Variants in BRIP1 observed in about 807,000 individuals in gnomAD.
BRIP1 encodes BRCA1 interacting DNA helicase 1.
BRIP1 carries 88 observed loss-of-function variants against 119.7 expected under a neutral mutation model. The ratio of observed to expected loss-of-function variants is 0.74; its 90% CI spans 0.62 to 0.88. BRIP1 has a LOEUF of 0.88. Ranked by LOEUF, BRIP1 falls within the 40% of genes least tolerant of loss-of-function variation. The pLI is 0.00. For missense variants in BRIP1, 1,259 were observed against 1,455.4 expected, an observed-to-expected ratio of 0.87 and a Z score of 2.20; for synonymous variants, 443 against 496.5, an observed-to-expected ratio of 0.89 and a Z score of 1.43.
rs576418589 is a variant in BRIP1 at position 61,745,137 on chromosome 17, A to T, written c.2098-546T>A. On this transcript the variant is annotated intron_variant, in intron 14 of 19. Coordinates refer to ENST00000259008, the MANE Select transcript of BRIP1 (RefSeq NM_032043.3). The surrounding 1 kb of genome is among the most constrained non-coding windows in gnomAD (Gnocchi z 4.4). ...TTATTTGAATATTTGATCATCATTA[A>T]TAACCTGCATTGAAAAAAGATAGAA... 1.2e-4 allele frequency among the ~76,000 whole-genome samples: 19 copies of T among 152,328 alleles called. No individual in the cohort carries two copies. Among genetic ancestry groups the T allele is most frequent in the African/African-American group, 4.3e-4 (18 of 41,584 alleles).
intron 3 of BRIP1, among the ~76,000 whole-genome samples, chr17:61,858,992 TTGAGGTTACAG>T (rs2078936508): frequency 6.6e-6 from 1 of 150,954 alleles, no homozygotes; most frequent in Admixed American, 6.6e-5. Flanking sequence ...GCCTGGGAGT[TTGAGGTTACAG>T]TGAGCTATGA....
rs2076896555 is a variant in BRIP1 at position 61,734,814 on chromosome 17, T to C, written c.2379+8199A>G. On this transcript the variant is annotated intron_variant, in intron 16 of 19. Transcript: ENST00000259008. The surrounding 1 kb of genome is among the most constrained non-coding windows in gnomAD (Gnocchi z 5.2). ...TTACTTCCATAATCTTTCTCAAATT[T>C]AAGAAAAAATTTTAGTATCATAAAA... Among the ~76,000 whole-genome samples, 1 of 152,186 alleles carries C rather than the reference T, an allele frequency of 6.6e-6. No homozygotes were observed. Among genetic ancestry groups the C allele is most frequent in the South Asian group, 2.1e-4 (1 of 4,832 alleles).
At chr17:61,837,772 T>C (rs1312908683) in intron 6 of BRIP1, among the ~76,000 whole-genome samples, 2 of 152,076 alleles carry the variant, frequency 1.3e-5, no homozygotes, top group African/African-American at 2.4e-5. Flanking sequence ...CTTTGACATA[T>C]GAATTGTCAG....
At position 61,744,593 on chromosome 17, in the gene BRIP1, TA is replaced by T. The variant is rs1603304671; in HGVS notation, c.2098-3del. 6.2e-7 allele frequency: 1 copy of T among 1,612,080 alleles called. No individual in the cohort carries two copies. The highest frequency in any genetic ancestry group is 8.5e-7 in the Non-Finnish European group (1 of 1,178,316). On this transcript the variant is annotated splice_polypyrimidine_tract_variant and splice_region_variant and intron_variant, in intron 14 of 19. Coordinates refer to ENST00000259008, the MANE Select transcript of BRIP1 (RefSeq NM_032043.3). The surrounding 1 kb of genome is among the most constrained non-coding windows in gnomAD (Gnocchi z 5.0). Reference sequence around the variant, plus strand: ...ACGTTCTTTTAATTTTTCTAATAACTAAAGAGGGGAAAGAAAAAAATGATTT... The same window carrying T: ...ACGTTCTTTTAATTTTTCTAATAACTAAGAGGGGAAAGAAAAAAATGATTT...
Position 61,693,768 on chromosome 17 carries a change from A to C in BRIP1, c.2493-256T>G, listed in dbSNP as rs977185630. Among the ~76,000 whole-genome samples the C allele has an allele frequency of 8.5e-5, 13 of 152,160 alleles. No individual in the cohort carries two copies. Among genetic ancestry groups the C allele is most frequent in the African/African-American group, 3.1e-4 (13 of 41,448 alleles). On this transcript the variant is annotated intron_variant, in intron 17 of 19. Coordinates refer to ENST00000259008, the MANE Select transcript of BRIP1 (RefSeq NM_032043.3). This position sits in a 1 kb window ranked among gnomAD's most constrained non-coding sequence, Gnocchi z 4.2. ...TATTTTGCACTCAAGAAAATTATAG[A>C]AAATATATTCTAAGATCTTTCTTAG...
chr17:61,776,701 C>A lies in BRIP1; in HGVS notation c.1936-139G>T, dbSNP rs552815938. On this transcript the variant is annotated intron_variant, in intron 13 of 19. Transcript: ENST00000259008. This position sits in a 1 kb window ranked among gnomAD's most constrained non-coding sequence, Gnocchi z 5.0. ...TAAATTGTCAGGGGGTTTTCTATTA[C>A]CTTCAATTAACTGTATACAGATTTA... 3.5e-6 allele frequency: 3 copies of A among 852,070 alleles called. No homozygotes were observed. The highest frequency in any genetic ancestry group is 4.1e-5 in the Admixed American group (2 of 48,794). 52.8% of individuals were successfully genotyped at this position (852,070 alleles called of 1,614,324 possible).
chr17:61,844,753 G>A lies in BRIP1; in HGVS notation c.627+2348C>T, dbSNP rs1330080603. 6.6e-6 allele frequency among the ~76,000 whole-genome samples: 1 copy of A among 152,256 alleles called. No individual in the cohort carries two copies. The highest frequency in any genetic ancestry group is 1.5e-5 in the Non-Finnish European group (1 of 68,040). ...CAGGACTGCAAAGAGGCATTTTAGA[G>A]AGAATATAAAATAAAGTGATTAGGG... On this transcript the variant is annotated intron_variant, in intron 6 of 19. Coordinates refer to ENST00000259008, the MANE Select transcript of BRIP1 (RefSeq NM_032043.3). The surrounding 1 kb of genome is among the most constrained non-coding windows in gnomAD (Gnocchi z 4.7).
intron 19 of BRIP1, chr17:61,685,120 A>G (rs1281609088): frequency 6.6e-6 from 1 of 152,270 alleles, no homozygotes; most frequent in East Asian, 1.9e-4. Flanking sequence ...AGCATAATGT[A>G]TCTGTTGCGA....
In BRIP1 at chr17:61,710,880, A is replaced by C. The variant is rs1567751565; in HGVS notation, c.2492+5071T>G. On this transcript the variant is annotated intron_variant, in intron 17 of 19. Transcript: ENST00000259008. This position sits in a 1 kb window ranked among gnomAD's most constrained non-coding sequence, Gnocchi z 5.4. ...TCATGGTGAAACCCCGTCTCTACTA[A>C]AAATATAAAAATTAGCTGGGCATGG... is the stretch of plus-strand genomic sequence containing the variant. Among the ~76,000 whole-genome samples, 1 of 152,096 alleles carries C rather than the reference A, an allele frequency of 6.6e-6. No individual in the cohort carries two copies. The highest frequency in any genetic ancestry group is 2.4e-5 in the African/African-American group (1 of 41,402).
intron 6 of BRIP1, among the ~76,000 whole-genome samples, chr17:61,817,747 G>A (rs976286553): frequency 2.6e-5 from 4 of 152,152 alleles, no homozygotes; most frequent in Non-Finnish European, 4.4e-5. Context: ...TATTATCAGA[G>A]ATTCTAGAAA....
In BRIP1 at chr17:61,689,056, A is replaced by ATGTTATGTTATGTTATGTTAT. The variant is rs1555573961; in HGVS notation, c.2576-2892_2576-2891insATAACATAACATAACATAACA. Among the ~76,000 whole-genome samples the ATGTTATGTTATGTTATGTTAT allele has an allele frequency of 6.6e-6, 1 of 151,496 alleles. No individual in the cohort carries two copies. Among genetic ancestry groups the ATGTTATGTTATGTTATGTTAT allele is most frequent in the Non-Finnish European group, 1.5e-5 (1 of 67,860 alleles). ...ATGTTATGTTATGTTATGTTATGTT[A>ATGTTATGTTATGTTATGTTAT]TTTTTTTGAGACAGTCTCGCTCTGT... is the stretch of plus-strand genomic sequence containing the variant. On this transcript the variant is annotated intron_variant, in intron 18 of 19. Transcript: ENST00000259008. The surrounding 1 kb of genome is among the most constrained non-coding windows in gnomAD (Gnocchi z 4.5).
chr17:61,685,052 C>T (rs1183781738), intron 19 of BRIP1: 1 of 152,182 alleles, frequency 6.6e-6, no homozygotes, highest in Non-Finnish European at 1.5e-5. Context: ...ATGGAATAGA[C>T]CAGAGTTTGG....
chr17:61,718,674 A>G (rs1299337449), intron 16 of BRIP1, among the ~76,000 whole-genome samples: 1 of 152,114 alleles, frequency 6.6e-6, no homozygotes, highest in Non-Finnish European at 1.5e-5. Flanking sequence ...GCTCTGTTTG[A>G]GTTTATTCTC....
chr17:61,732,384 G>C (rs1346755403), intron 16 of BRIP1, among the ~76,000 whole-genome samples: 5 of 152,110 alleles, frequency 3.3e-5, no homozygotes, highest in Non-Finnish European at 7.3e-5. Context: ...TCACTGTAGA[G>C]AAGATTCAAA....
chr17:61,798,674 A>T lies in BRIP1; in HGVS notation c.1340+426T>A, dbSNP rs145491062. Among the ~76,000 whole-genome samples the T allele has an allele frequency of 6.6e-4, 101 of 152,170 alleles. No individual in the cohort carries two copies. Among genetic ancestry groups the T allele is most frequent in the Middle Eastern group, 6.8e-3 (2 of 294 alleles). On this transcript the variant is annotated intron_variant, in intron 9 of 19. Transcript: ENST00000259008. The surrounding 1 kb of genome is among the most constrained non-coding windows in gnomAD (Gnocchi z 5.5). ...AATTGTCATAAAGCTAGTACTAAAT[A>T]TATTATTTTAGAGTACTGAAATCTT...
rs1479268452 is a variant in BRIP1, at chr17:61,713,591, G to A, written c.2492+2360C>T. ...GGCTGGAGTGCAGTGGGGTGATCTC[G>A]GCTCACTGCAGCCTCCACCTCCCGG... On this transcript the variant is annotated intron_variant, in intron 17 of 19. Transcript: ENST00000259008. The surrounding 1 kb of genome is among the most constrained non-coding windows in gnomAD (Gnocchi z 4.9). 1.3e-5 allele frequency among the ~76,000 whole-genome samples: 2 copies of A among 150,770 alleles called. No individual in the cohort carries two copies. Among genetic ancestry groups the A allele is most frequent in the Non-Finnish European group, 1.5e-5 (1 of 67,814 alleles).
At chr17:61,839,446 C>T (rs565537946) in intron 6 of BRIP1, among the ~76,000 whole-genome samples, 4 of 151,648 alleles carry the variant, frequency 2.6e-5, no homozygotes, top group Middle Eastern at 3.4e-3. Context: ...TTACTTTATA[C>T]GTCATGTTTT....
At chr17:61,826,282 T>C (rs1051751463) in intron 6 of BRIP1, among the ~76,000 whole-genome samples, 2 of 151,976 alleles carry the variant, frequency 1.3e-5, no homozygotes, top group Admixed American at 1.3e-4. Flanking sequence ...AAACAAAAAC[T>C]ATAAAAACCC....
At position 61,793,858 on chromosome 17, in the gene BRIP1, G is replaced by A; in HGVS notation, c.1341-129C>T. 1 of 922,376 alleles carries A rather than the reference G, an allele frequency of 1.1e-6. No individual in the cohort carries two copies. The highest frequency in any genetic ancestry group is 2.5e-5 in the South Asian group (1 of 40,692). The allele number at this position is 922,376 out of a possible 1,614,324, so 57.1% of individuals were successfully genotyped here. A position where few individuals can be genotyped will look rare whatever the true frequency, so the allele number is the denominator to read the frequency against. On this transcript the variant is annotated intron_variant, in intron 9 of 19. Transcript: ENST00000259008. This position sits in a 1 kb window ranked among gnomAD's most constrained non-coding sequence, Gnocchi z 5.2. ...CTTGACATTCTTAGGACATGAATGT[G>A]GATTAATTAAGACACCTTTTAAAAA...
Sources: allele counts gnomAD v4.1 joint callset (sites outside exome capture counted in the v4.1 genomes callset), GRCh38; gene constraint gnomAD v4.1.1; non-coding constraint Gnocchi (gnomAD v3.1); transcripts MANE v1.5; gene names NCBI Gene and HGNC (gene_info 2026-07-23, HGNC 2026-07-21).